CADPS2: variants seen among roughly 807,000 people sequenced by gnomAD.
CADPS2 encodes the protein calcium dependent secretion activator 2.
Under a neutral mutation model 172.5 loss-of-function variants are expected in CADPS2, and 93 were observed. The observed-to-expected ratio is 0.54, with a 90% CI of 0.46 to 0.64. The LOEUF is 0.64. CADPS2 is among the 30% of genes least tolerant of loss of function. The pLI is 0.00. For synonymous variants in CADPS2, 546 were observed against 555.2 expected (o/e 0.98, Z 0.23); for missense variants, 1,420 against 1,565.9 (o/e 0.91, Z 1.57).
intron 27 of CADPS2, among the ~76,000 whole-genome samples, chr7:122,353,354 T>C (rs2038941263): frequency 6.6e-6 from 1 of 152,084 alleles, no homozygotes; most frequent in Non-Finnish European, 1.5e-5. Flanking sequence ...TTTGAGAGAA[T>C]TCCTAATGAA....
At chr7:122,514,728 T>A (rs2060232104) in intron 8 of CADPS2, among the ~76,000 whole-genome samples, 1 of 152,138 alleles carries the variant, frequency 6.6e-6, no homozygotes, top group African/African-American at 2.4e-5. Flanking sequence ...TGGAAACTGA[T>A]AACAAATGTC....
At chr7:122,444,757 A>G in intron 15 of CADPS2, among the ~76,000 whole-genome samples, 1 of 152,170 alleles carries the variant, frequency 6.6e-6, no homozygotes, top group East Asian at 1.9e-4. Flanking sequence ...TTAACTTTTT[A>G]TTCTAACAAT....
At chr7:122,347,684 GT>G (rs2037899307) in intron 27 of CADPS2, among the ~76,000 whole-genome samples, 1 of 152,144 alleles carries the variant, frequency 6.6e-6, no homozygotes, top group Non-Finnish European at 1.5e-5. Context: ...CATGAGCAAT[GT>G]TTGAAAGTTT....
At chr7:122,761,942 T>C (rs1444175620) in intron 1 of CADPS2, among the ~76,000 whole-genome samples, 1 of 145,438 alleles carries the variant, frequency 6.9e-6, no homozygotes, top group Non-Finnish European at 1.5e-5. Flanking sequence ...ATGTTGCAGT[T>C]AGCCATGATC....
chr7:122,515,826 T>G (rs1483817390), intron 8 of CADPS2, among the ~76,000 whole-genome samples: 1 of 138,724 alleles, frequency 7.2e-6, no homozygotes, highest in Non-Finnish European at 1.5e-5. Flanking sequence ...AATAAAAAAA[T>G]TAATTAAAAA....
intron 1 of CADPS2, among the ~76,000 whole-genome samples, chr7:122,846,847 C>A (rs1459357632): frequency 6.6e-6 from 1 of 152,288 alleles, no homozygotes; most frequent in Non-Finnish European, 1.5e-5. Flanking sequence ...CTGTGCATGA[C>A]CCTGCAGCAA....
rs1045597496 is a variant in CADPS2 at position 122,581,167 on chromosome 7, A to C, written c.1335+12T>G. 6.2e-7 allele frequency: 1 copy of C among 1,603,726 alleles called. No individual in the cohort carries two copies. The highest frequency in any genetic ancestry group is 8.5e-7 in the Non-Finnish European group (1 of 1,170,822). On this transcript the variant is annotated intron_variant, in intron 7 of 29. Coordinates refer to ENST00000449022, the MANE Select transcript of CADPS2 (RefSeq NM_017954.11). ...TGTTCTACCCTGGACACACAGGCTG[A>C]CCACAACTCACCCTTCCCAGTTCTT... is the stretch of plus-strand genomic sequence containing the variant.
intron 1 of CADPS2, among the ~76,000 whole-genome samples, chr7:122,835,638 T>C (rs977380691): frequency 6.6e-6 from 1 of 152,178 alleles, no homozygotes; most frequent in Non-Finnish European, 1.5e-5. Flanking sequence ...GTGATGAATG[T>C]ACAAGCTTCA....
chr7:122,758,630 A>G (rs2093262073), intron 1 of CADPS2, among the ~76,000 whole-genome samples: 1 of 152,180 alleles, frequency 6.6e-6, no homozygotes, highest in Admixed American at 6.5e-5. Flanking sequence ...TCAGATACAC[A>G]AAGACATAGA....
At chr7:122,433,408 T>TG (rs1467179080) in intron 17 of CADPS2, among the ~76,000 whole-genome samples, 1 of 134,528 alleles carries the variant, frequency 7.4e-6, no homozygotes, top group Non-Finnish European at 1.5e-5. Flanking sequence ...TTTTTTTGGT[T>TG]TTTTTTTTTT....
chr7:122,455,071 G>A (rs2053596502), intron 14 of CADPS2, among the ~76,000 whole-genome samples: 1 of 152,098 alleles, frequency 6.6e-6, no homozygotes, highest in Non-Finnish European at 1.5e-5. Flanking sequence ...TTATAATGAT[G>A]TATGAGCCCC....
intron 7 of CADPS2, among the ~76,000 whole-genome samples, chr7:122,555,731 C>A (rs1005243283): frequency 4.6e-5 from 7 of 151,992 alleles, no homozygotes; most frequent in Admixed American, 6.6e-5. Context: ...TTTAATATAA[C>A]AAAACTAAGT....
chr7:122,480,014 A>C (rs181794722), intron 12 of CADPS2: 225 of 441,966 alleles, frequency 5.1e-4, no homozygotes, highest in Non-Finnish European at 8.3e-4. Context: ...AGTGAAAACC[A>C]GGGTGTGTGC....
chr7:122,473,350 C>T (rs1278070105), intron 13 of CADPS2, among the ~76,000 whole-genome samples: 3 of 152,100 alleles, frequency 2.0e-5, no homozygotes, highest in Non-Finnish European at 4.4e-5. Flanking sequence ...CCAGAGTCTC[C>T]GAGCCTACTC....
chr7:122,453,553 T>C (rs1419653454), intron 14 of CADPS2, among the ~76,000 whole-genome samples: 9 of 152,306 alleles, frequency 5.9e-5, no homozygotes, highest in East Asian at 5.8e-4. Context: ...CATAAAGTTA[T>C]GGGTGATTAT....
At chr7:122,698,158 T>TC in intron 2 of CADPS2, 1 of 1,613,982 alleles carries the variant, frequency 6.2e-7, no homozygotes, top group Non-Finnish European at 8.5e-7. Context: ...TACGCAGCTA[T>TC]CCCCATTTGG....
intron 3 of CADPS2, among the ~76,000 whole-genome samples, chr7:122,634,487 C>CT (rs1196783202): frequency 2.0e-5 from 3 of 152,186 alleles, no homozygotes; most frequent in South Asian, 2.1e-4. Flanking sequence ...CTCTGAGGAT[C>CT]TTTTTTTATA....
chr7:122,706,286 A>AAT lies in CADPS2; in HGVS notation c.453+30667_453+30668dup, dbSNP rs10646318. Reference sequence around the variant, plus strand: ...TATATATATGTTTATATATTCAAGGAATATATATATGCTTATATATTCAAG... The same window carrying AAT: ...TATATATATGTTTATATATTCAAGGAATATATATATATGCTTATATATTCAAG... On this transcript the variant is annotated intron_variant, in intron 2 of 29. Coordinates refer to ENST00000449022, the MANE Select transcript of CADPS2 (RefSeq NM_017954.11). 4.9e-4 allele frequency among the ~76,000 whole-genome samples: 6 copies of AAT among 12,310 alleles called. 1 individual carries two copies. Among genetic ancestry groups the AAT allele is most frequent in the African/African-American group, 1.2e-3 (6 of 5,074 alleles). 8.1% of individuals were successfully genotyped at this position (12,310 alleles called of 152,430 possible). A position where few individuals can be genotyped will look rare whatever the true frequency, so the allele number is the denominator to read the frequency against.
At chr7:122,756,043 G>A (rs2093146083) in intron 1 of CADPS2, among the ~76,000 whole-genome samples, 1 of 152,200 alleles carries the variant, frequency 6.6e-6, no homozygotes, top group Admixed American at 6.5e-5. Flanking sequence ...GCACACTGAT[G>A]ATACAGAAAA....
Sources: allele counts gnomAD v4.1 joint callset (sites outside exome capture counted in the v4.1 genomes callset), GRCh38; gene constraint gnomAD v4.1.1; transcripts MANE v1.5; gene names NCBI Gene and HGNC (gene_info 2026-07-23, HGNC 2026-07-21).